MOCOS: variants seen among roughly 807,000 people sequenced by gnomAD.
MOCOS encodes the protein human molybdenum cofactor sulfurase.
In MOCOS, 86 loss-of-function variants were observed where a neutral mutation model predicts 83.6. That is an observed-to-expected ratio of 1.03 (90% CI 0.86 to 1.23). The LOEUF is 1.23. Among genes scored for constraint, MOCOS ranks in the 50% most tolerant of loss-of-function variants. MOCOS has a pLI of 0.00. For missense variants in MOCOS, 1,120 were observed against 1,126.9 expected, an observed-to-expected ratio of 0.99 and a Z score of 0.09; for synonymous variants, 445 against 434.7, an observed-to-expected ratio of 1.02 and a Z score of -0.29.
At chr18:36,238,401 C>A (rs1224345673) in intron 9 of MOCOS, among the ~76,000 whole-genome samples, 4 of 150,958 alleles carry the variant, frequency 2.6e-5, no homozygotes, top group African/African-American at 9.7e-5. Flanking sequence ...ACCCAGTAGT[C>A]ATTCAGGAGC....
chr18:36,263,380 A>G (rs374283284), intron 13 of MOCOS, among the ~76,000 whole-genome samples: 1 of 152,254 alleles, frequency 6.6e-6, no homozygotes, highest in East Asian at 1.9e-4. Context: ...CATGGCTTCA[A>G]AGGAGAAGAA....
chr18:36,236,398 C>T (rs1387563626), intron 9 of MOCOS, among the ~76,000 whole-genome samples: 1 of 118,036 alleles, frequency 8.5e-6, no homozygotes, highest in Non-Finnish European at 1.8e-5. Flanking sequence ...AATCCTTTCC[C>T]CATTGCTTGT....
chr18:36,191,585 A>C (rs1221372966), intron 1 of MOCOS, among the ~76,000 whole-genome samples: 3 of 152,232 alleles, frequency 2.0e-5, no homozygotes, highest in Non-Finnish European at 4.4e-5. Context: ...CTGGGACTAC[A>C]GGTGTGCACC....
rs1160602985 is a variant in MOCOS, at chr18:36,205,076, G to T, written c.1019-1G>T. On this transcript the variant is annotated splice_acceptor_variant, in intron 5 of 14. Transcript: ENST00000261326. LOFTEE classifies it high-confidence loss of function. ...CTCTTGTGTTTCATGATTGATTTGA[G>T]GTGGAATGGAGAATATAAAGCAGCA... 6.3e-7 allele frequency: 1 copy of T among 1,597,500 alleles called. No homozygotes were observed. Among genetic ancestry groups the T allele is most frequent in the Non-Finnish European group, 8.6e-7 (1 of 1,169,072 alleles).
intron 11 of MOCOS, among the ~76,000 whole-genome samples, chr18:36,256,688 A>G (rs1012356991): frequency 2.0e-5 from 3 of 151,770 alleles, no homozygotes; most frequent in African/African-American, 4.8e-5. Flanking sequence ...GGCTTCATGT[A>G]ACCCTCCCAC....
chr18:36,259,185 G>A (rs546963710), intron 12 of MOCOS, among the ~76,000 whole-genome samples: 2 of 152,246 alleles, frequency 1.3e-5, no homozygotes, highest in East Asian at 1.9e-4. Flanking sequence ...GCTCACACCT[G>A]TAATCCCAGC....
chr18:36,253,867 C>A (rs1465038610), intron 11 of MOCOS, among the ~76,000 whole-genome samples: 1 of 151,860 alleles, frequency 6.6e-6, no homozygotes, highest in African/African-American at 2.4e-5. Context: ...CCTGTGGCTG[C>A]GGAACTCACT....
At chr18:36,189,443 A>C (rs8090058) in intron 1 of MOCOS, among the ~76,000 whole-genome samples, 22,448 of 150,950 alleles carry the variant, frequency 0.15, 1,879 homozygotes, top group East Asian at 0.32. Context: ...TAGAAACAAG[A>C]CAGAGAGAGG....
chr18:36,193,082 C>A (rs1568047211), intron 1 of MOCOS, among the ~76,000 whole-genome samples: 1 of 150,936 alleles, frequency 6.6e-6, no homozygotes, highest in Non-Finnish European at 1.5e-5. Flanking sequence ...GAGGCTGAGG[C>A]GGGTGGATCA....
chr18:36,217,630 A>G (rs1221686062), intron 8 of MOCOS, among the ~76,000 whole-genome samples: 1 of 152,024 alleles, frequency 6.6e-6, no homozygotes, highest in East Asian at 1.9e-4. Context: ...CCTGTGGACA[A>G]CCGCTCCTGC....
rs1324785389 is a variant in MOCOS at position 36,268,857 on chromosome 18, T to C, written c.*172T>C. ...CCTTTGACTTCTCACCCTGCAAATTTGCACTGGCTGTGCTCAGGAGAGCAC... is the reference window on the plus strand; with the variant it reads ...CCTTTGACTTCTCACCCTGCAAATTCGCACTGGCTGTGCTCAGGAGAGCAC... On this transcript the variant is annotated 3_prime_UTR_variant, in exon 15 of 15. Coordinates refer to ENST00000261326, the MANE Select transcript of MOCOS (RefSeq NM_017947.4). 1.5e-6 allele frequency: 1 copy of C among 646,448 alleles called. No individual in the cohort carries two copies. The highest frequency in any genetic ancestry group is 1.8e-5 in the African/African-American group (1 of 54,882). 40.0% of individuals were successfully genotyped at this position (646,448 alleles called of 1,614,324 possible). A position where few individuals can be genotyped will look rare whatever the true frequency, so the allele number is the denominator to read the frequency against.
At chr18:36,218,182 G>C (rs1189857056) in intron 8 of MOCOS, among the ~76,000 whole-genome samples, 1 of 152,160 alleles carries the variant, frequency 6.6e-6, no homozygotes, top group Non-Finnish European at 1.5e-5. Flanking sequence ...CTGCACTTCA[G>C]AGACCCTGAT....
At chr18:36,197,730 C>T (rs1341452097) in intron 2 of MOCOS, among the ~76,000 whole-genome samples, 1 of 151,792 alleles carries the variant, frequency 6.6e-6, no homozygotes, top group Non-Finnish European at 1.5e-5. Flanking sequence ...CTATGATCAG[C>T]CACTGTACTC....
In MOCOS at chr18:36,248,875, G is replaced by A. The variant is rs369033901; in HGVS notation, c.1961-47G>A. ...TAGTATATTTTGAAGTCAAGTAGCT[G>A]TTGTTTTTACATAATGATAAATTTG... is the stretch of plus-strand genomic sequence containing the variant. On this transcript the variant is annotated intron_variant, in intron 9 of 14. Transcript: ENST00000261326. The A allele has an allele frequency of 3.3e-6, 5 of 1,502,578 alleles. No individual in the cohort carries two copies. In the South Asian group the frequency reaches 3.4e-5, roughly 10 times the overall value. The allele number at this position is 1,502,578 out of a possible 1,614,324, so 93.1% of individuals were successfully genotyped here. A position where few individuals can be genotyped will look rare whatever the true frequency, so the allele number is the denominator to read the frequency against.
intron 9 of MOCOS, among the ~76,000 whole-genome samples, chr18:36,245,404 C>A (rs1430134910): frequency 6.6e-6 from 1 of 152,136 alleles, no homozygotes; most frequent in East Asian, 1.9e-4. Context: ...TCACTGGATG[C>A]AAAATTCTTG....
chr18:36,268,719 G>A lies in MOCOS; in HGVS notation c.*34G>A. The A allele has an allele frequency of 6.5e-7, 1 of 1,534,386 alleles. No homozygotes were observed. The highest frequency in any genetic ancestry group is 9.0e-7 in the Non-Finnish European group (1 of 1,108,292). ...TTTAGCATAAAGTTTCTCTTTTACA[G>A]TGATCTCTATTATTGTTAAGATCTG... is the stretch of plus-strand genomic sequence containing the variant. On this transcript the variant is annotated 3_prime_UTR_variant, in exon 15 of 15. Coordinates refer to ENST00000261326, the MANE Select transcript of MOCOS (RefSeq NM_017947.4).
intron 5 of MOCOS, among the ~76,000 whole-genome samples, chr18:36,203,857 A>C (rs1362138400): frequency 1.3e-5 from 2 of 152,182 alleles, no homozygotes; most frequent in Non-Finnish European, 2.9e-5. Context: ...AGTGGGCATG[A>C]TCTGGGACAA....
chr18:36,198,655 A>G (rs761178238), intron 2 of MOCOS, 35 bp from the exon 3 acceptor site: 2 of 1,607,654 alleles, frequency 1.2e-6, no homozygotes, highest in African/African-American at 1.3e-5. Flanking sequence ...GACCCTAAGT[A>G]GTGACTTGGT....
chr18:36,188,255 C>T (rs1283519531), intron 1 of MOCOS, among the ~76,000 whole-genome samples: 1 of 152,250 alleles, frequency 6.6e-6, no homozygotes, highest in Non-Finnish European at 1.5e-5. Flanking sequence ...ACTCTTACAG[C>T]GTCAGAACAA....
Sources: gnomAD v4.1 joint callset for allele counts (sites outside exome capture counted in the v4.1 genomes callset) on GRCh38, gnomAD v4.1.1 for gene constraint, MANE v1.5 for transcripts, NCBI Gene and HGNC (gene_info 2026-07-23, HGNC 2026-07-21) for gene names.